Variants in PCDHGA6 observed in about 807,000 individuals in gnomAD.
PCDHGA6 encodes the protein protocadherin gamma subfamily A, 6.
A neutral mutation model predicts 60.6 loss-of-function variants in PCDHGA6; 41 were observed. That is an observed-to-expected ratio of 0.68 (90% CI 0.53 to 0.88). The LOEUF (loss-of-function observed/expected upper bound fraction) is 0.88, where lower values mean the gene tolerates loss of function less well. Ranked by LOEUF, PCDHGA6 falls within the 40% of genes least tolerant of loss-of-function variation. The pLI is 0.00. For missense variants in PCDHGA6, 1,312 were observed against 1,203.0 expected, an observed-to-expected ratio of 1.09 and a Z score of -1.34; for synonymous variants, 594 against 524.4, an observed-to-expected ratio of 1.13 and a Z score of -1.81.
At chr5:141,394,764 C>T in intron 1 of PCDHGA6, 3 of 1,613,450 alleles carry the variant, frequency 1.9e-6, no homozygotes, top group Middle Eastern at 1.6e-4. Flanking sequence ...GGACCATGGC[C>T]AGCCCCCTCT....
At chr5:141,394,913 C>G (rs1284631853) in intron 1 of PCDHGA6, 2 of 1,613,780 alleles carry the variant, frequency 1.2e-6, no homozygotes, top group South Asian at 2.2e-5. Flanking sequence ...TGGCTGCCAT[C>G]TCCTGTGTCT....
Position 141,475,143 on chromosome 5 carries a change from T to TC in PCDHGA6, c.2425-19662dup, listed in dbSNP as rs372338581. On this transcript the variant is annotated intron_variant, in intron 1 of 3. Transcript: ENST00000517434. ...GGCTTTTTTTCTTTTTGAAATCTTC[T>TC]CCGTCTTCTTCTTCATTAGCAGTGC... Among the ~76,000 whole-genome samples the TC allele has an allele frequency of 4.9e-3, 751 of 152,356 alleles. 5 individuals carry two copies. Among genetic ancestry groups the TC allele is most frequent in the Non-Finnish European group, 6.5e-3 (439 of 68,034 alleles).
intron 1 of PCDHGA6, chr5:141,423,469 C>G: frequency 3.1e-6 from 5 of 1,613,948 alleles, no homozygotes; most frequent in Non-Finnish European, 4.2e-6. Flanking sequence ...GGACGGGGTA[C>G]AGGCTTTCCT....
chr5:141,376,159 C>G lies in PCDHGA6; in HGVS notation c.2076C>G (p.Tyr692Ter). The G allele has an allele frequency of 6.2e-7, 1 of 1,614,084 alleles. No individual in the cohort carries two copies. The highest frequency in any genetic ancestry group is 8.5e-7 in the Non-Finnish European group (1 of 1,179,998). ...AKPNDSDLTL[Y>*]LVVAVAAVSC... ...CCAACGATTCGGACCTCACTCTGTA[C>G]CTGGTGGTGGCGGTGGCCGCGGTCT... The change falls in exon 1 of 4, where the codon TAC becomes TAG. Residue 692 changes from tyrosine (Y) to a stop codon, truncating the protein, a stop_gained. Transcript: ENST00000517434. LOFTEE classifies it high-confidence loss of function.
chr5:141,400,682 G>C (rs778099324), intron 1 of PCDHGA6: 10 of 835,140 alleles, frequency 1.2e-5, no homozygotes, highest in Non-Finnish European at 1.7e-5. Context: ...AGTAAATTGT[G>C]AGTTTTTATG....
intron 1 of PCDHGA6, among the ~76,000 whole-genome samples, chr5:141,401,837 A>G (rs1302723544): frequency 6.6e-6 from 1 of 152,198 alleles, no homozygotes; most frequent in Non-Finnish European, 1.5e-5. Context: ...ATTTCTTATA[A>G]TACCACTTAC....
At chr5:141,395,131 C>G in intron 1 of PCDHGA6, 1 of 1,614,202 alleles carries the variant, frequency 6.2e-7, no homozygotes, top group Non-Finnish European at 8.5e-7. Flanking sequence ...TTTCCCCAGC[C>G]CAACTACGCA....
rs2096665320 is a variant in PCDHGA6 at position 141,422,696 on chromosome 5, A to G, written c.2424+46189A>G. The G allele has an allele frequency of 3.1e-6, 5 of 1,602,638 alleles. No homozygotes were observed. The highest frequency in any genetic ancestry group is 4.3e-6 in the Non-Finnish European group (5 of 1,174,110). On this transcript the variant is annotated intron_variant, in intron 1 of 3. Coordinates refer to ENST00000517434, the MANE Select transcript of PCDHGA6 (RefSeq NM_018919.3). Reference sequence around the variant, plus strand: ...AGCAAACAGAATGCCCTGGTCACTTACTCTCTGACGGATGACACTGTCCAG... The same window carrying G: ...AGCAAACAGAATGCCCTGGTCACTTGCTCTCTGACGGATGACACTGTCCAG...
rs960870975 is a variant in PCDHGA6 at position 141,417,761 on chromosome 5, C to T, written c.2424+41254C>T. On this transcript the variant is annotated intron_variant, in intron 1 of 3. Coordinates refer to ENST00000517434, the MANE Select transcript of PCDHGA6 (RefSeq NM_018919.3). ...ACACCAGATTGCCAGCTCCGAGACC[C>T]GGGACTCCTCCTGTCCTGGGCCGAA... is the stretch of plus-strand genomic sequence containing the variant. 1.8e-5 allele frequency: 26 copies of T among 1,438,736 alleles called. No homozygotes were observed. The East Asian group carries it at 5.0e-4, about 28-fold the overall frequency. The allele number at this position is 1,438,736 out of a possible 1,614,324, so 89.1% of individuals were successfully genotyped here.
At chr5:141,462,144 G>A (rs984269848) in intron 1 of PCDHGA6, among the ~76,000 whole-genome samples, 1 of 152,042 alleles carries the variant, frequency 6.6e-6, no homozygotes, top group South Asian at 2.1e-4. Context: ...ATTTTTAGTA[G>A]AGATGGGGTT....
chr5:141,421,838 A>G (rs2096604619), intron 1 of PCDHGA6: 1 of 1,613,764 alleles, frequency 6.2e-7, no homozygotes, highest in East Asian at 2.2e-5. Flanking sequence ...CTGGACCGAG[A>G]GAAAGAGGCT....
intron 1 of PCDHGA6, chr5:141,409,727 G>A (rs1000014772): frequency 6.2e-7 from 1 of 1,613,158 alleles, no homozygotes; most frequent in South Asian, 1.1e-5. Context: ...GTCAGTGAGC[G>A]CGCAGAGCGG....
intron 1 of PCDHGA6, chr5:141,422,741 A>G (rs1319821802): frequency 6.2e-7 from 1 of 1,610,084 alleles, no homozygotes; most frequent in Non-Finnish European, 8.5e-7. Flanking sequence ...CTGTCCTCCT[A>G]TGTCTCTATT....
At chr5:141,480,240 CAAA>C (rs11374694) in intron 1 of PCDHGA6, among the ~76,000 whole-genome samples, 1 of 114,046 alleles carries the variant, frequency 8.8e-6, no homozygotes, top group African/African-American at 3.3e-5. Flanking sequence ...CCTGTCTCTA[CAAA>C]AAAAAAAAAA....
chr5:141,442,534 GA>G (rs1156284172), intron 1 of PCDHGA6: 1 of 152,222 alleles, frequency 6.6e-6, no homozygotes, highest in Non-Finnish European at 1.5e-5. Context: ...TCTCCAAGGT[GA>G]AAAATTCTTG....
At chr5:141,439,996 G>C (rs1156373511) in intron 1 of PCDHGA6, 1 of 153,262 alleles carries the variant, frequency 6.5e-6, no homozygotes, top group African/African-American at 2.4e-5. Flanking sequence ...GTTTGGTGGT[G>C]GGAAACCTTG....
At chr5:141,387,323 G>T (rs2090908841) in intron 1 of PCDHGA6, among the ~76,000 whole-genome samples, 1 of 152,154 alleles carries the variant, frequency 6.6e-6, no homozygotes, top group South Asian at 2.1e-4. Context: ...AGTAAGTATG[G>T]AAAATTACTG....
At chr5:141,409,039 C>A (rs2095214342) in intron 1 of PCDHGA6, 1 of 1,614,004 alleles carries the variant, frequency 6.2e-7, no homozygotes, top group Non-Finnish European at 8.5e-7. Flanking sequence ...AGATAAACTA[C>A]TACTTCCGAA....
rs369791160 is a variant in PCDHGA6 at position 141,431,269 on chromosome 5, C to G, written c.2424+54762C>G. On this transcript the variant is annotated intron_variant, in intron 1 of 3. Transcript: ENST00000517434. This position sits in a 1 kb window ranked among gnomAD's most constrained non-coding sequence, Gnocchi z 4.8. ...TCGGGAAGAACTCTCTGCAGAGCTA[C>G]GAGCTCAGCCCGAACACTCACTTCT... 1.4e-5 allele frequency: 22 copies of G among 1,614,034 alleles called. No individual in the cohort carries two copies. The highest frequency in any genetic ancestry group is 2.7e-5 in the African/African-American group (2 of 74,954).
Sources: allele counts gnomAD v4.1 joint callset (sites outside exome capture counted in the v4.1 genomes callset), GRCh38; gene constraint gnomAD v4.1.1; non-coding constraint Gnocchi (gnomAD v3.1); transcripts MANE v1.5; gene names NCBI Gene and HGNC (gene_info 2026-07-23, HGNC 2026-07-21).